RANGRF: variants seen among roughly 807,000 people sequenced by gnomAD.
RANGRF encodes the protein MOG1 homolog.
Under a neutral mutation model 21.8 loss-of-function variants are expected in RANGRF, and 17 were observed. The ratio of observed to expected loss-of-function variants is 0.78; its 90% CI spans 0.53 to 1.17. RANGRF has a LOEUF of 1.17. RANGRF is among the 50% of genes most tolerant of loss of function. RANGRF has a pLI of 0.00. For synonymous variants in RANGRF, 97 were observed against 94.3 expected (o/e 1.03, Z -0.17); for missense variants, 225 against 235.5 (o/e 0.96, Z 0.29).
Position 8,289,582 on chromosome 17 carries a change from A to C in RANGRF, c.431A>C (p.Gln144Pro). 1 of 1,612,450 alleles carries C rather than the reference A, an allele frequency of 6.2e-7. No individual in the cohort carries two copies. The highest frequency in any genetic ancestry group is 2.2e-5 in the East Asian group (1 of 44,824). The change falls in exon 4 of 5, where the codon CAG becomes CCG. Residue 144 changes from glutamine (Q) to proline (P), a missense_variant. Coordinates refer to ENST00000226105, the MANE Select transcript of RANGRF (RefSeq NM_016492.5). ...ACTGATCTCTTGCTTACCTTCAATC[A>C]GCCCCCGTAAGGAGGAAGGAACGGG... The part of the protein sequence containing the change: ...YQTDLLLTFN[Q>P]PPPDNRSSLG...
Position 8,289,980 on chromosome 17 carries a change from C to CGGTTCTGT in RANGRF, c.*46_*53dup, listed in dbSNP as rs1191312234. ...TGATGTTGCTGAGAACTTGGGGACT[C>CGGTTCTGT]GGTTCTGTGAGGGGGAAAAGAGGTT... On this transcript the variant is annotated 3_prime_UTR_variant, in exon 5 of 5. Transcript: ENST00000226105. 3 of 1,612,602 alleles carry CGGTTCTGT rather than the reference C, an allele frequency of 1.9e-6. No individual in the cohort carries two copies. Among genetic ancestry groups the CGGTTCTGT allele is most frequent in the Non-Finnish European group, 2.5e-6 (3 of 1,178,816 alleles).
rs755816071 is a variant in RANGRF, at chr17:8,289,868, C to T, written c.493C>T (p.Leu165=). 8 of 1,613,994 alleles carry T rather than the reference C, an allele frequency of 5.0e-6. No individual in the cohort carries two copies. In the Admixed American group the frequency reaches 6.7e-5, roughly 13 times the overall value. ...AAATCTGTCACCTGCACCCTGGAGC[C>T]TGGGTGACTTTGAACAGCTGGTGAC... The part of the protein sequence containing the change: ...PENLSPAPWS[L]GDFEQLVTSL... The change falls in exon 5 of 5, where the codon CTG becomes TTG. Residue 165 remains leucine (L), a synonymous_variant. Transcript: ENST00000226105.
At position 8,288,752 on chromosome 17, in the gene RANGRF, T is replaced by C. The variant is rs777415276; in HGVS notation, c.-37T>C. ...CACGTGACCCAATGTGGACTTCTTT[T>C]AAACCTTTCTAATGCCCATAACCCA... On this transcript the variant is annotated 5_prime_UTR_variant, in exon 1 of 5. Coordinates refer to ENST00000226105, the MANE Select transcript of RANGRF (RefSeq NM_016492.5). 6.2e-7 allele frequency: 1 copy of C among 1,611,384 alleles called. No individual in the cohort carries two copies. Among genetic ancestry groups the C allele is most frequent in the African/African-American group, 1.3e-5 (1 of 75,004 alleles).
intron 3 of RANGRF, 33 bp downstream of exon 3, chr17:8,289,447 G>C: frequency 5.0e-6 from 8 of 1,614,112 alleles, no homozygotes; most frequent in Non-Finnish European, 6.8e-6. Context: ...TGTCCTGGAA[G>C]GGCGGTAGCG....
Position 8,289,517 on chromosome 17 carries a change from G to A in RANGRF, c.366G>A (p.Val122=). The A allele has an allele frequency of 1.9e-6, 3 of 1,614,204 alleles. No homozygotes were observed. The highest frequency in any genetic ancestry group is 2.5e-6 in the Non-Finnish European group (3 of 1,180,042). ...AKENQQVAKD[V]TLHQALLRLP... Reference sequence around the variant, plus strand: ...GATCCCCTTAGGTAGCAAAGGACGTGACACTTCATCAGGCCTTGCTGAGGC... The same window carrying A: ...GATCCCCTTAGGTAGCAAAGGACGTAACACTTCATCAGGCCTTGCTGAGGC... The change falls in exon 4 of 5, where the codon GTG becomes GTA. Residue 122 remains valine (V), a synonymous_variant. Coordinates refer to ENST00000226105, the MANE Select transcript of RANGRF (RefSeq NM_016492.5).
rs1327462760 is a variant in RANGRF, at chr17:8,289,933, G to A, written c.558G>A (p.Gln186=). Residue 186 remains glutamine (Q), a synonymous_variant, in exon 5 of 5, where the codon CAG becomes CAA. Transcript: ENST00000226105. ...ACGATCCTAACATCTTTGGTCCCCA[G>A]TAAAGGCGCTGAAGCACTGCATGAT... The part of the protein sequence containing the change: ...TLHDPNIFGP[Q] 6.2e-7 allele frequency: 1 copy of A among 1,614,088 alleles called. No homozygotes were observed. Among genetic ancestry groups the A allele is most frequent in the East Asian group, 2.2e-5 (1 of 44,894 alleles).
In RANGRF at chr17:8,288,884, C is replaced by G. The variant is rs370316330; in HGVS notation, c.77+19C>G. 1,451 of 1,614,148 alleles carry G rather than the reference C, an allele frequency of 9.0e-4. 17 individuals are homozygous for G. The South Asian group carries it at 9.8e-3, about 11-fold the overall frequency. ...ACGTAAGGTGAGAAGGCCGGGGCGC[C>G]CAGGGGCGGCTGACTGGGTGGGTTG... is the stretch of plus-strand genomic sequence containing the variant. On this transcript the variant is annotated intron_variant, in intron 1 of 4. Transcript: ENST00000226105.
In RANGRF at chr17:8,289,904, C is replaced by T. The variant is rs1462929880; in HGVS notation, c.529C>T (p.Leu177Phe). 5 of 1,614,052 alleles carry T rather than the reference C, an allele frequency of 3.1e-6. No individual in the cohort carries two copies. The part of the protein sequence containing the change: ...DFEQLVTSLT[L>F]HDPNIFGPQ The stretch of plus-strand genomic sequence containing the variant: ...TGAACAGCTGGTGACCAGTCTGACC[C>T]TTCACGATCCTAACATCTTTGGTCC... Residue 177 changes from leucine (L) to phenylalanine (F), a missense_variant, in exon 5 of 5, where the codon CTT becomes TTT. Leu to Phe is a conservative substitution (Grantham distance 22). Coordinates refer to ENST00000226105, the MANE Select transcript of RANGRF (RefSeq NM_016492.5).
At position 8,289,312 on chromosome 17, in the gene RANGRF, G is replaced by C. The variant is rs751751942; in HGVS notation, c.249G>C (p.Glu83Asp). 76 of 1,614,046 alleles carry C rather than the reference G, an allele frequency of 4.7e-5. No homozygotes were observed. Among genetic ancestry groups the C allele is most frequent in the Admixed American group, 1.0e-4 (6 of 60,000 alleles). The stretch of plus-strand genomic sequence containing the variant: ...AGGGGGCTAGGGCTGTCCATGTGGA[G>C]TCTGTTCAGCCTCTCAGTTTGGAGA... ...GVQGARAVHV[E>D]SVQPLSLENL... is the part of the protein sequence containing the mutation. The change falls in exon 3 of 5, where the codon GAG becomes GAC. Residue 83 changes from glutamate to aspartate, a missense_variant. Physicochemically the swap from Glu to Asp is conservative, Grantham distance 45 (BLOSUM62 2). Coordinates refer to ENST00000226105, the MANE Select transcript of RANGRF (RefSeq NM_016492.5).
rs1990245659 is a variant in RANGRF, at chr17:8,288,879, G to A, written c.77+14G>A. 1 of 1,614,190 alleles carries A rather than the reference G, an allele frequency of 6.2e-7. No homozygotes were observed. On this transcript the variant is annotated intron_variant, in intron 1 of 4. Coordinates refer to ENST00000226105, the MANE Select transcript of RANGRF (RefSeq NM_016492.5). ...CATTGACGTAAGGTGAGAAGGCCGG[G>A]GCGCCCAGGGGCGGCTGACTGGGTG...
At position 8,289,080 on chromosome 17, in the gene RANGRF, A is replaced by G. The variant is rs774053920; in HGVS notation, c.194+8A>G. ...GGGCGAAGCGGCTGCGCGGTGAGGG[A>G]ATGGCCCCCGGCTGGCCAATGGCAG... On this transcript the variant is annotated splice_region_variant and intron_variant, in intron 2 of 4. Coordinates refer to ENST00000226105, the MANE Select transcript of RANGRF (RefSeq NM_016492.5). 15 of 1,613,118 alleles carry G rather than the reference A, an allele frequency of 9.3e-6. No individual in the cohort carries two copies. Among genetic ancestry groups the G allele is most frequent in the Non-Finnish European group, 1.3e-5 (15 of 1,179,752 alleles).
Position 8,289,425 on chromosome 17 carries a change from G to A in RANGRF, c.351+11G>A, listed in dbSNP as rs370613922. Reference sequence around the variant, plus strand: ...AAGGAAAACCAGCAGGTGAGGGCCCGAGAGTGTGTAATGTCCTGGAAGGGC... The same window carrying A: ...AAGGAAAACCAGCAGGTGAGGGCCCAAGAGTGTGTAATGTCCTGGAAGGGC... On this transcript the variant is annotated intron_variant, in intron 3 of 4. Transcript: ENST00000226105. The A allele has an allele frequency of 8.1e-6, 13 of 1,613,984 alleles. No homozygotes were observed. The highest frequency in any genetic ancestry group is 2.7e-5 in the African/African-American group (2 of 75,042).
In RANGRF at chr17:8,289,239, C is replaced by G; in HGVS notation, c.195-19C>G. Reference sequence around the variant, plus strand: ...GGCGACCAGAGATGTCCCTTCCTGACCCCGCTTCCCTACTCCAGGTACCAC... The same window carrying G: ...GGCGACCAGAGATGTCCCTTCCTGAGCCCGCTTCCCTACTCCAGGTACCAC... On this transcript the variant is annotated intron_variant, in intron 2 of 4. Coordinates refer to ENST00000226105, the MANE Select transcript of RANGRF (RefSeq NM_016492.5). 1 of 1,612,720 alleles carries G rather than the reference C, an allele frequency of 6.2e-7. No homozygotes were observed. The highest frequency in any genetic ancestry group is 8.5e-7 in the Non-Finnish European group (1 of 1,179,850).
Position 8,288,685 on chromosome 17 carries a change from C to T in RANGRF, c.-104C>T, listed in dbSNP as rs994122803. On this transcript the variant is annotated 5_prime_UTR_variant, in exon 1 of 5. Coordinates refer to ENST00000226105, the MANE Select transcript of RANGRF (RefSeq NM_016492.5). ...TAAAGGATCCGGGAGCTAAGCCAGA[C>T]CCGGGTGGCGGTGGCAGCTGCGAAA... The T allele has an allele frequency of 2.3e-5, 30 of 1,316,204 alleles. No homozygotes were observed. Among genetic ancestry groups the T allele is most frequent in the Admixed American group, 1.0e-4 (6 of 59,412 alleles). The allele number at this position is 1,316,204 out of a possible 1,614,324, so 81.5% of individuals were successfully genotyped here. A position where few individuals can be genotyped will look rare whatever the true frequency, so the allele number is the denominator to read the frequency against.
Position 8,288,952 on chromosome 17 carries a change from CCAG to C in RANGRF, c.78-2_78del. The stretch of plus-strand genomic sequence containing the variant: ...CAACCAGGGTCTGCCTCGCCTCACT[CCAG>C]CGACCTCCGACCGGTCCCGGACAAT... On this transcript the variant is annotated splice_acceptor_variant and splice_polypyrimidine_tract_variant and intron_variant, in intron 1 of 4. Transcript: ENST00000226105. LOFTEE classifies it high-confidence loss of function. 1 of 1,614,090 alleles carries C rather than the reference CCAG, an allele frequency of 6.2e-7. No individual in the cohort carries two copies.
rs2151608494 is a variant in RANGRF at position 8,289,004 on chromosome 17, G to A, written c.126G>A (p.Val42=). The change falls in exon 2 of 5, where the codon GTG becomes GTA. Residue 42 remains valine (V), a synonymous_variant. Transcript: ENST00000226105. ...ATCAAGAAGTTTTCTGCCATCCCGTGACGGACCAGAGCCTGATAGTGGAAC... is the reference window on the plus strand; with the variant it reads ...ATCAAGAAGTTTTCTGCCATCCCGTAACGGACCAGAGCCTGATAGTGGAAC... ...PDNQEVFCHP[V]TDQSLIVELL... is the part of the protein sequence containing the mutation. 3.1e-6 allele frequency: 5 copies of A among 1,614,138 alleles called. No individual in the cohort carries two copies. In the East Asian group the frequency reaches 1.1e-4, roughly 36 times the overall value.
In RANGRF at chr17:8,289,300, T is replaced by C; in HGVS notation, c.237T>C (p.Ala79=). ...TTGGTGGCGTGCAGGGGGCTAGGGC[T>C]GTCCATGTGGAGTCTGTTCAGCCTC... ...EDVGGVQGAR[A]VHVESVQPLS... is the part of the protein sequence containing the mutation. The change falls in exon 3 of 5, where the codon GCT becomes GCC. Residue 79 remains alanine, a synonymous_variant. Coordinates refer to ENST00000226105, the MANE Select transcript of RANGRF (RefSeq NM_016492.5). 6.2e-7 allele frequency: 1 copy of C among 1,614,066 alleles called. No individual in the cohort carries two copies. The highest frequency in any genetic ancestry group is 8.5e-7 in the Non-Finnish European group (1 of 1,180,034).
At chr17:8,289,208 C>G in intron 2 of RANGRF, 50 bp from the exon 3 acceptor site, 1 of 1,607,236 alleles carries the variant, frequency 6.2e-7, no homozygotes, top group Non-Finnish European at 8.5e-7. Flanking sequence ...AAGATGCTCC[C>G]GGGGAGGCGA....
Position 8,289,058 on chromosome 17 carries a change from C to G in RANGRF, c.180C>G (p.Gly60=), listed in dbSNP as rs746995613. The G allele has an allele frequency of 1.9e-6, 3 of 1,613,700 alleles. No individual in the cohort carries two copies. The highest frequency in any genetic ancestry group is 2.5e-6 in the Non-Finnish European group (3 of 1,179,962). The change falls in exon 2 of 5, where the codon GGC becomes GGG. Residue 60 remains glycine, a synonymous_variant. Coordinates refer to ENST00000226105, the MANE Select transcript of RANGRF (RefSeq NM_016492.5). ...TCGAGCTGCAGGCCCACGTACGGGGCGAAGCGGCTGCGCGGTGAGGGAATG... is the reference window on the plus strand; with the variant it reads ...TCGAGCTGCAGGCCCACGTACGGGGGGAAGCGGCTGCGCGGTGAGGGAATG... The part of the protein sequence containing the change: ...ELLELQAHVR[G]EAAARYHFED...
Sources: gnomAD v4.1 joint callset for allele counts on GRCh38, gnomAD v4.1.1 for gene constraint, MANE v1.5 for transcripts, NCBI Gene and HGNC (gene_info 2026-07-23, HGNC 2026-07-21) for gene names.